DNAH5: variants seen among roughly 807,000 people sequenced by gnomAD.
DNAH5 encodes the protein dynein axonemal heavy chain 5, also known as axonemal beta dynein heavy chain 5.
Under a neutral mutation model 518.2 loss-of-function variants are expected in DNAH5, and 372 were observed. The ratio of observed to expected loss-of-function variants is 0.72; its 90% CI spans 0.66 to 0.78. The LOEUF (loss-of-function observed/expected upper bound fraction) is 0.78. Ranked by LOEUF, DNAH5 falls within the 30% of genes least tolerant of loss-of-function variation. The pLI, the probability that DNAH5 is intolerant of heterozygous loss-of-function variation, is 0.00. For missense variants in DNAH5, 5,523 were observed against 5,687.0 expected (o/e 0.97, Z 0.93); for synonymous variants, 2,039 against 2,025.9 (o/e 1.01, Z -0.17).
intron 78 of DNAH5, among the ~76,000 whole-genome samples, chr5:13,696,686 G>A (rs142500311): frequency 7.4e-4 from 112 of 152,060 alleles, no homozygotes; most frequent in African/African-American, 2.6e-3. Flanking sequence ...TATCAAAATT[G>A]AGTAAAAATT....
At chr5:13,932,158 A>C (rs1165841097) in intron 1 of DNAH5, 1 of 152,214 alleles carries the variant, frequency 6.6e-6, no homozygotes, top group Non-Finnish European at 1.5e-5. Flanking sequence ...GAAGAGACTA[A>C]CACTACCTGG....
intron 11 of DNAH5, among the ~76,000 whole-genome samples, chr5:13,913,307 G>A (rs1041337672): frequency 6.6e-6 from 1 of 151,902 alleles, no homozygotes; most frequent in African/African-American, 2.4e-5. Flanking sequence ...AATAAAATCA[G>A]GTCCTTTATA....
At chr5:13,895,659 C>T (rs1170138216) in intron 15 of DNAH5, among the ~76,000 whole-genome samples, 2 of 152,064 alleles carry the variant, frequency 1.3e-5, no homozygotes, top group Non-Finnish European at 2.9e-5. Flanking sequence ...ACTAGTGTCA[C>T]GGCTTTGAAT....
At chr5:13,875,491 C>T (rs1367358754) in intron 22 of DNAH5, among the ~76,000 whole-genome samples, 1 of 139,462 alleles carries the variant, frequency 7.2e-6, no homozygotes, top group Non-Finnish European at 1.5e-5. Flanking sequence ...AAAAAAGACA[C>T]AGAGATAAGT....
At chr5:13,740,560 G>A (rs1336231405) in intron 65 of DNAH5, among the ~76,000 whole-genome samples, 1 of 152,146 alleles carries the variant, frequency 6.6e-6, no homozygotes, top group Non-Finnish European at 1.5e-5. Flanking sequence ...CACCTGGAAG[G>A]CTTGTGCTGT....
At chr5:13,890,863 A>G (rs879681384) in intron 17 of DNAH5, 113 bp downstream of exon 17, 10 of 1,165,548 alleles carry the variant, frequency 8.6e-6, no homozygotes, top group African/African-American at 4.6e-5. Flanking sequence ...CACTTCTATC[A>G]CAGAGCACTG....
At position 13,944,557 on chromosome 5, in the gene DNAH5, C is replaced by T; in HGVS notation, c.-119G>A. ...GAAAGTTTTACTTCCATTTTACTTT[C>T]ACGTTTCTAATTTGCATGTATTATT... On this transcript the variant is annotated 5_prime_UTR_variant, in exon 1 of 79. Transcript: ENST00000265104. 1.2e-6 allele frequency: 1 copy of T among 833,236 alleles called. No individual in the cohort carries two copies. The highest frequency in any genetic ancestry group is 2.0e-6 in the Non-Finnish European group (1 of 501,574). 51.6% of individuals were successfully genotyped at this position (833,236 alleles called of 1,614,324 possible).
intron 35 of DNAH5, among the ~76,000 whole-genome samples, chr5:13,833,154 A>T (rs58130856): frequency 0.44 from 63,172 of 144,654 alleles, 15,177 homozygotes; most frequent in East Asian, 0.61. Flanking sequence ...GAATGTGTTA[A>T]CATAGGCCAA....
Position 13,753,478 on chromosome 5 carries a change from A to G in DNAH5, c.10627T>C (p.Leu3543=), listed in dbSNP as rs781324611. The change falls in exon 63 of 79, where the codon TTA becomes CTA. Residue 3543 remains leucine, a synonymous_variant. Transcript: ENST00000265104. ...TTCATTTCCTTCCGCCAGTCATTTA[A>G]CAGAAGATCACGAAACTCTTGGTTA... ...PFNQEFRDLL[L]NDWRKEMKAR... The G allele has an allele frequency of 1.9e-6, 3 of 1,614,102 alleles. No homozygotes were observed. The highest frequency in any genetic ancestry group is 2.5e-6 in the Non-Finnish European group (3 of 1,179,974).
At chr5:13,750,167 G>A (rs535500926) in intron 65 of DNAH5, among the ~76,000 whole-genome samples, 2 of 152,256 alleles carry the variant, frequency 1.3e-5, no homozygotes, top group African/African-American at 4.8e-5. Context: ...GTACAGACAA[G>A]GGGAGGGACA....
intron 64 of DNAH5, 55 bp from the exon 65 acceptor site, chr5:13,751,315 T>C (rs1750194588): frequency 6.9e-6 from 10 of 1,442,916 alleles, no homozygotes; most frequent in Non-Finnish European, 9.5e-6. Flanking sequence ...CCTTACTGTG[T>C]CTTTTTTGTA....
intron 66 of DNAH5, among the ~76,000 whole-genome samples, chr5:13,736,441 C>G (rs1322790997): frequency 6.6e-6 from 1 of 152,152 alleles, no homozygotes; most frequent in East Asian, 1.9e-4. Flanking sequence ...GTCCCCCAGG[C>G]TGGAGTACAG....
At position 13,803,868 on chromosome 5, in the gene DNAH5, G is replaced by C. The variant is rs1025693516; in HGVS notation, c.7887+3723C>G. ...GATGTCACTTGGAAAAGTGGTTCTG[G>C]GTCCAAAAAACACTGTGGAATTTCC... On this transcript the variant is annotated intron_variant, in intron 47 of 78. Transcript: ENST00000265104. 3.0e-3 allele frequency among the ~76,000 whole-genome samples: 455 copies of C among 151,982 alleles called. 3 individuals are homozygous for C. Among genetic ancestry groups the C allele is most frequent in the African/African-American group, 0.011 (439 of 41,452 alleles).
chr5:13,751,163 G>A lies in DNAH5; in HGVS notation c.11126C>T (p.Ala3709Val). The change falls in exon 65 of 79, where the codon GCC (alanine) becomes GTC (valine). Residue 3709 changes from alanine (A) to valine (V), a missense_variant. This residue lies in a region of DNAH5 where 5,121 missense variants were observed against 5,223.3 expected (regional missense o/e 0.98). Transcript: ENST00000265104. ...PNPAYTPEIS[A>V]RTSIIDFTVT... ...AGTGAAGTCAATGATGGAGGTACGG[G>A]CACTTATCTCAGGGGTGTAGGCTGG... 6.2e-7 allele frequency: 1 copy of A among 1,614,000 alleles called. No individual in the cohort carries two copies. Among genetic ancestry groups the A allele is most frequent in the Non-Finnish European group, 8.5e-7 (1 of 1,179,918 alleles).
At position 13,891,025 on chromosome 5, in the gene DNAH5, A is replaced by T; in HGVS notation, c.2528T>A (p.Leu843His). 6.2e-7 allele frequency: 1 copy of T among 1,614,204 alleles called. No homozygotes were observed. The highest frequency in any genetic ancestry group is 8.5e-7 in the Non-Finnish European group (1 of 1,180,014). ...EEMSSTPLCQLPQEEPLTCEE... is the reference protein window; with the variant it reads ...EEMSSTPLCQHPQEEPLTCEE... The stretch of plus-strand genomic sequence containing the variant: ...ACAGGTTAGTGGCTCCTCCTGGGGA[A>T]GCTGACAAAGAGGCGTGCTGCTCAT... The change falls in exon 17 of 79, where the codon CTT becomes CAT. Residue 843 changes from leucine to histidine, a missense_variant. Around this residue, in one of 3 missense-constraint regions of DNAH5, gnomAD observed 5,121 missense variants for 5,223.3 expected, o/e 0.98. Coordinates refer to ENST00000265104, the MANE Select transcript of DNAH5 (RefSeq NM_001369.3).
At chr5:13,764,643 C>T (rs1444663892) in intron 59 of DNAH5, among the ~76,000 whole-genome samples, 1 of 152,142 alleles carries the variant, frequency 6.6e-6, no homozygotes, top group Non-Finnish European at 1.5e-5. Flanking sequence ...GCACTGCCTA[C>T]CAAAGCTGAT....
chr5:13,756,584 G>A (rs1467728774), intron 61 of DNAH5, among the ~76,000 whole-genome samples: 23 of 152,286 alleles, frequency 1.5e-4, no homozygotes. Context: ...ATCCAAAATG[G>A]TAGAAATTAA....
intron 76 of DNAH5, among the ~76,000 whole-genome samples, chr5:13,703,118 C>A (rs879627660): frequency 6.6e-6 from 1 of 152,080 alleles, no homozygotes; most frequent in African/African-American, 2.4e-5. Flanking sequence ...ACATTCTCTC[C>A]ATCCCTTCTC....
intron 22 of DNAH5, among the ~76,000 whole-genome samples, chr5:13,875,842 G>A (rs1482139619): frequency 6.6e-6 from 1 of 152,196 alleles, no homozygotes; most frequent in South Asian, 2.1e-4. Context: ...GTTCCCTTGG[G>A]AACACATTAA....
Sources: gnomAD v4.1 joint callset for allele counts (sites outside exome capture counted in the v4.1 genomes callset) on GRCh38, gnomAD v4.1.1 for gene constraint, gnomAD v4.1.1 regional missense constraint, MANE v1.5 for transcripts, NCBI Gene and HGNC (gene_info 2026-07-23, HGNC 2026-07-21) for gene names.